The following CHML variants were observed in gnomAD, a reference collection of about 807,000 sequenced individuals.
CHML encodes CHM like Rab escort protein.
CHML carries 20 observed loss-of-function variants against 30.4 expected under a neutral mutation model. That is an observed-to-expected ratio of 0.66 (90% CI 0.46 to 0.95). CHML has a LOEUF of 0.95. Among genes scored for constraint, CHML ranks in the 40% least tolerant of loss-of-function variants. The probability of loss-of-function intolerance (pLI) is 0.00; values close to 1 mark genes in which losing one functional copy is unlikely to be tolerated. For missense variants in CHML, 795 were observed against 768.5 expected (o/e 1.03, Z -0.41); for synonymous variants, 281 against 275.0 (o/e 1.02, Z -0.22).
rs1482669549 is a variant in CHML at position 241,629,091 on chromosome 1, T to C, written c.*4705A>G. 1 of 152,644 alleles carries C rather than the reference T, an allele frequency of 6.6e-6. No homozygotes were observed. Among genetic ancestry groups the C allele is most frequent in the Non-Finnish European group, 1.5e-5 (1 of 68,014 alleles). 9.5% of individuals were successfully genotyped at this position (152,644 alleles called of 1,614,324 possible). A position where few individuals can be genotyped will look rare whatever the true frequency, so the allele number is the denominator to read the frequency against. Reference sequence around the variant, plus strand: ...ATATCAATATTATTGAATGGCTATATAACATTCTGTGATAGCACTAGCAAT... The same window carrying C: ...ATATCAATATTATTGAATGGCTATACAACATTCTGTGATAGCACTAGCAAT... On this transcript the variant is annotated 3_prime_UTR_variant, in exon 2 of 2. Transcript: ENST00000366553.
At position 241,629,186 on chromosome 1, in the gene CHML, T is replaced by G. The variant is rs1664519587; in HGVS notation, c.*4610A>C. On this transcript the variant is annotated 3_prime_UTR_variant, in exon 2 of 2. Coordinates refer to ENST00000366553, the MANE Select transcript of CHML (RefSeq NM_001381853.1). The stretch of plus-strand genomic sequence containing the variant: ...CCCCTTAAAGTTATCTGAGTGGAAC[T>G]GCTAGAAAACTTTGTACAAATAGCT... 1 of 152,324 alleles carries G rather than the reference T, an allele frequency of 6.6e-6. No homozygotes were observed. Among genetic ancestry groups the G allele is most frequent in the South Asian group, 2.1e-4 (1 of 4,836 alleles). 9.4% of individuals were successfully genotyped at this position (152,324 alleles called of 1,614,324 possible).
Position 241,634,658 on chromosome 1 carries a change from A to C in CHML, c.1109T>G (p.Phe370Cys). Residue 370 changes from phenylalanine (F) to cysteine (C), a missense_variant, in exon 2 of 2, where the codon TTT (phenylalanine) becomes TGT (cysteine). Coordinates refer to ENST00000366553, the MANE Select transcript of CHML (RefSeq NM_001381853.1). ...TKNFLQCLGR[F>C]GNTPFLFPLY... ...GGGAAATAAAAAGGGGGTGTTGCCAAACCGTCCGAGACACTGAAGGAAGTT... is the reference window on the plus strand; with the variant it reads ...GGGAAATAAAAAGGGGGTGTTGCCACACCGTCCGAGACACTGAAGGAAGTT... 2 of 1,614,020 alleles carry C rather than the reference A, an allele frequency of 1.2e-6. No individual in the cohort carries two copies. The highest frequency in any genetic ancestry group is 1.7e-6 in the Non-Finnish European group (2 of 1,179,910).
At position 241,634,604 on chromosome 1, in the gene CHML, C is replaced by A. The variant is rs756393189; in HGVS notation, c.1163G>T (p.Gly388Val). 41 of 1,613,704 alleles carry A rather than the reference C, an allele frequency of 2.5e-5. No homozygotes were observed. In the South Asian group the frequency reaches 4.3e-4, roughly 17 times the overall value. ...AAAAACTGCACACATCCTACAGAAACCCTGGGGAATTTCTCCTTGGCCATA... is the reference window on the plus strand; with the variant it reads ...AAAAACTGCACACATCCTACAGAAAACCTGGGGAATTTCTCCTTGGCCATA... Reference protein sequence around the residue: ...PLYGQGEIPQGFCRMCAVFGG... With the variant: ...PLYGQGEIPQVFCRMCAVFGG... Residue 388 changes from glycine to valine, a missense_variant, in exon 2 of 2, where the codon GGT becomes GTT. Transcript: ENST00000366553.
In CHML at chr1:241,633,247, A is replaced by G. The variant is rs1395324519; in HGVS notation, c.*549T>C. ...ATCATGCAAAGCTAATCTTTAAACGATTATAGACAAATGTATTTTATTATC... is the reference window on the plus strand; with the variant it reads ...ATCATGCAAAGCTAATCTTTAAACGGTTATAGACAAATGTATTTTATTATC... On this transcript the variant is annotated 3_prime_UTR_variant, in exon 2 of 2. Coordinates refer to ENST00000366553, the MANE Select transcript of CHML (RefSeq NM_001381853.1). 6.4e-6 allele frequency: 1 copy of G among 156,482 alleles called. No individual in the cohort carries two copies. Among genetic ancestry groups the G allele is most frequent in the Non-Finnish European group, 1.4e-5 (1 of 70,626 alleles). 9.7% of individuals were successfully genotyped at this position (156,482 alleles called of 1,614,324 possible). A position where few individuals can be genotyped will look rare whatever the true frequency, so the allele number is the denominator to read the frequency against.
chr1:241,630,840 TTC>T lies in CHML; in HGVS notation c.*2954_*2955del, dbSNP rs780547466. On this transcript the variant is annotated 3_prime_UTR_variant, in exon 2 of 2. Transcript: ENST00000366553. ...TTAATACTTTGGATTTTACTATTTG[TTC>T]TTTTGATGCTGATTTAATGGCTGTT... 1 of 152,122 alleles carries T rather than the reference TTC, an allele frequency of 6.6e-6. No individual in the cohort carries two copies. The highest frequency in any genetic ancestry group is 1.5e-5 in the Non-Finnish European group (1 of 67,956). 9.4% of individuals were successfully genotyped at this position (152,122 alleles called of 1,614,324 possible). A position where few individuals can be genotyped will look rare whatever the true frequency, so the allele number is the denominator to read the frequency against.
chr1:241,629,182 G>A lies in CHML; in HGVS notation c.*4614C>T, dbSNP rs1432468895. 3.9e-5 allele frequency: 6 copies of A among 152,198 alleles called. No individual in the cohort carries two copies. In the South Asian group the frequency reaches 8.3e-4, roughly 21 times the overall value. The allele number at this position is 152,198 out of a possible 1,614,324, so 9.4% of individuals were successfully genotyped here. A position where few individuals can be genotyped will look rare whatever the true frequency, so the allele number is the denominator to read the frequency against. On this transcript the variant is annotated 3_prime_UTR_variant, in exon 2 of 2. Transcript: ENST00000366553. The stretch of plus-strand genomic sequence containing the variant: ...TTTCCCCCTTAAAGTTATCTGAGTG[G>A]AACTGCTAGAAAACTTTGTACAAAT...
rs1664621354 is a variant in CHML, at chr1:241,631,176, T to C, written c.*2620A>G. 6.6e-6 allele frequency: 1 copy of C among 152,170 alleles called. No homozygotes were observed. The highest frequency in any genetic ancestry group is 2.4e-5 in the African/African-American group (1 of 41,476). The allele number at this position is 152,170 out of a possible 1,614,324, so 9.4% of individuals were successfully genotyped here. A position where few individuals can be genotyped will look rare whatever the true frequency, so the allele number is the denominator to read the frequency against. On this transcript the variant is annotated 3_prime_UTR_variant, in exon 2 of 2. Coordinates refer to ENST00000366553, the MANE Select transcript of CHML (RefSeq NM_001381853.1). ...AATTTTTAAATGCTTTTTATTGGTATAACTTCTCATTTCCCACTTATTTTG... is the reference window on the plus strand; with the variant it reads ...AATTTTTAAATGCTTTTTATTGGTACAACTTCTCATTTCCCACTTATTTTG...
Position 241,631,252 on chromosome 1 carries a change from G to C in CHML, c.*2544C>G, listed in dbSNP as rs1217053529. ...CATTTCTAAATCAACCTTTATTTTC[G>C]ACTAATTTTTCCTATTTCCATTATA... On this transcript the variant is annotated 3_prime_UTR_variant, in exon 2 of 2. Transcript: ENST00000366553. 1.3e-5 allele frequency: 2 copies of C among 151,452 alleles called. No individual in the cohort carries two copies. Among genetic ancestry groups the C allele is most frequent in the African/African-American group, 2.4e-5 (1 of 41,212 alleles). The allele number at this position is 151,452 out of a possible 1,614,324, so 9.4% of individuals were successfully genotyped here.
chr1:241,637,001 T>A (rs1332002015), intron 1 of CHML, among the ~76,000 whole-genome samples: 1 of 151,886 alleles, frequency 6.6e-6, no homozygotes, highest in African/African-American at 2.4e-5. Context: ...TTGAGCATAA[T>A]GCTGGTTACA....
In CHML at chr1:241,634,744, G is replaced by A. The variant is rs770602054; in HGVS notation, c.1023C>T (p.His341=). The A allele has an allele frequency of 6.2e-7, 1 of 1,613,950 alleles. No individual in the cohort carries two copies. The highest frequency in any genetic ancestry group is 1.1e-5 in the South Asian group (1 of 91,078). The change falls in exon 2 of 2, where the codon CAC becomes CAT. Residue 341 remains histidine, a synonymous_variant. Coordinates refer to ENST00000366553, the MANE Select transcript of CHML (RefSeq NM_001381853.1). ...ATGATTCTGATGTCATTGCAATTGA[G>A]TGCAGTACAAAATGTTGAAGGTTGG... ...LTPNLQHFVL[H]SIAMTSESSC...
rs1664764181 is a variant in CHML, at chr1:241,634,039, G to T, written c.1728C>A (p.Val576=). ...SYNGLPSNVY[V]CSGPDCGLGN... ...CCAGGCCACAGTCAGGCCCAGAGCA[G>T]ACATAAACATTGGAAGGCAAGCCAT... Residue 576 remains valine, a synonymous_variant, in exon 2 of 2, where the codon GTC becomes GTA. Transcript: ENST00000366553. 1 of 1,612,920 alleles carries T rather than the reference G, an allele frequency of 6.2e-7. No homozygotes were observed. Among genetic ancestry groups the T allele is most frequent in the African/African-American group, 1.3e-5 (1 of 74,834 alleles).
At chr1:241,639,676 C>A (rs1156724074) in intron 1 of CHML, among the ~76,000 whole-genome samples, 2 of 144,428 alleles carry the variant, frequency 1.4e-5, no homozygotes, top group African/African-American at 2.6e-5. Context: ...CGGGAGGGGA[C>A]GGAGGAAGAG....
At position 241,640,186 on chromosome 1, in the gene CHML, C is replaced by T; in HGVS notation, c.-612G>A. ...GGCTCAGTGTCCCCGCCGGCGCCGG[C>T]CCCTCAGCGCCCGCGGCCCCGCCGC... On this transcript the variant is annotated 5_prime_UTR_variant, in exon 1 of 2. Transcript: ENST00000366553. 1.4e-6 allele frequency: 2 copies of T among 1,384,042 alleles called. No individual in the cohort carries two copies. The highest frequency in any genetic ancestry group is 6.0e-5 in the East Asian group (2 of 33,352). The allele number at this position is 1,384,042 out of a possible 1,614,324, so 85.7% of individuals were successfully genotyped here. A position where few individuals can be genotyped will look rare whatever the true frequency, so the allele number is the denominator to read the frequency against.
chr1:241,639,486 G>C (rs937507198), intron 1 of CHML, among the ~76,000 whole-genome samples: 4 of 151,758 alleles, frequency 2.6e-5, no homozygotes, highest in African/African-American at 7.3e-5. Context: ...TTTTTTTCTT[G>C]AATCTCTTGA....
chr1:241,634,758 G>A lies in CHML; in HGVS notation c.1009C>T (p.His337Tyr), dbSNP rs1281127918. 4 of 1,613,864 alleles carry A rather than the reference G, an allele frequency of 2.5e-6. No homozygotes were observed. The highest frequency in any genetic ancestry group is 3.4e-6 in the Non-Finnish European group (4 of 1,179,896). ...KTKKLTPNLQ[H>Y]FVLHSIAMTS... Reference sequence around the variant, plus strand: ...ATTGCAATTGAGTGCAGTACAAAATGTTGAAGGTTGGGAGTTAGTTTTTTA... The same window carrying A: ...ATTGCAATTGAGTGCAGTACAAAATATTGAAGGTTGGGAGTTAGTTTTTTA... Residue 337 changes from histidine (H) to tyrosine (Y), a missense_variant, in exon 2 of 2, where the codon CAT (histidine) becomes TAT (tyrosine). By Grantham distance (83) the His-to-Tyr change is moderately conservative. Transcript: ENST00000366553.
rs1664762959 is a variant in CHML at position 241,634,026 on chromosome 1, C to G, written c.1741G>C (p.Asp581His). The change falls in exon 2 of 2, where the codon GAC (aspartate) becomes CAC (histidine). Residue 581 changes from aspartate (D) to histidine (H), a missense_variant. By Grantham distance (81) the Asp-to-His change is moderately conservative. Coordinates refer to ENST00000366553, the MANE Select transcript of CHML (RefSeq NM_001381853.1). ...PSNVYVCSGP[D>H]CGLGNEHAVK... ...GCATGCTCATTTCCCAGGCCACAGT[C>G]AGGCCCAGAGCAGACATAAACATTG... is the stretch of plus-strand genomic sequence containing the variant. 1.2e-6 allele frequency: 2 copies of G among 1,613,618 alleles called. No homozygotes were observed. The highest frequency in any genetic ancestry group is 1.3e-5 in the African/African-American group (1 of 74,896).
rs995009296 is a variant in CHML, at chr1:241,629,162, C to T, written c.*4634G>A. 1 of 152,358 alleles carries T rather than the reference C, an allele frequency of 6.6e-6. No homozygotes were observed. The highest frequency in any genetic ancestry group is 2.4e-5 in the African/African-American group (1 of 41,412). The allele number at this position is 152,358 out of a possible 1,614,324, so 9.4% of individuals were successfully genotyped here. On this transcript the variant is annotated 3_prime_UTR_variant, in exon 2 of 2. Transcript: ENST00000366553. Reference sequence around the variant, plus strand: ...ATTTCCAATCGTTGGGCTTTTTTCCCCCTTAAAGTTATCTGAGTGGAACTG... The same window carrying T: ...ATTTCCAATCGTTGGGCTTTTTTCCTCCTTAAAGTTATCTGAGTGGAACTG...
Position 241,634,701 on chromosome 1 carries a change from C to T in CHML, c.1066G>A (p.Gly356Ser). 1 of 1,613,858 alleles carries T rather than the reference C, an allele frequency of 6.2e-7. No individual in the cohort carries two copies. The highest frequency in any genetic ancestry group is 8.5e-7 in the Non-Finnish European group (1 of 1,179,856). ...AGGAAGTTTTTAGTTGCGTTAAGACCATCTATTGTAGTGCAAGATGATTCT... is the reference window on the plus strand; with the variant it reads ...AGGAAGTTTTTAGTTGCGTTAAGACTATCTATTGTAGTGCAAGATGATTCT... ...TSESSCTTID[G>S]LNATKNFLQC... is the part of the protein sequence containing the mutation. The change falls in exon 2 of 2, where the codon GGT becomes AGT. Residue 356 changes from glycine to serine, a missense_variant. Transcript: ENST00000366553.
In CHML at chr1:241,634,395, C is replaced by CA. The variant is rs1219658637; in HGVS notation, c.1371_1372insT (p.Val458CysfsTer59). The CA allele has an allele frequency of 6.2e-7, 1 of 1,613,884 alleles. No homozygotes were observed. Among genetic ancestry groups the CA allele is most frequent in the East Asian group, 2.2e-5 (1 of 44,878 alleles). On this transcript the variant is annotated frameshift_variant, in exon 2 of 2. Transcript: ENST00000366553. LOFTEE classifies it high-confidence loss of function. The stretch of plus-strand genomic sequence containing the variant: ...AGTATAGACTGATCTGTAATGAGTA[C>CA]TGCCCTAGAGATCTGCTTATACTGC...
Sources: allele counts gnomAD v4.1 joint callset (sites outside exome capture counted in the v4.1 genomes callset), GRCh38; gene constraint gnomAD v4.1.1; transcripts MANE v1.5; gene names NCBI Gene and HGNC (gene_info 2026-07-23, HGNC 2026-07-21).